Variants in IL1RAPL1 observed in about 807,000 individuals in gnomAD.
IL1RAPL1 encodes interleukin 1 receptor accessory protein like 1.
IL1RAPL1 carries 3 observed loss-of-function variants against 48.4 expected under a neutral mutation model. The observed-to-expected ratio is 0.06, with a 90% CI of 0.03 to 0.16. IL1RAPL1 has a LOEUF of 0.16. Among genes scored for constraint, IL1RAPL1 ranks in the 10% least tolerant of loss-of-function variants. The pLI, the probability that IL1RAPL1 is intolerant of heterozygous loss-of-function variation, is 1.00. For missense variants in IL1RAPL1, 349 were observed against 530.6 expected (o/e 0.66, Z 3.36); for synonymous variants, 185 against 187.7 (o/e 0.99, Z 0.12).
At chrX:29,877,177 G>A (rs1931923649) in intron 6 of IL1RAPL1, among the ~76,000 whole-genome samples, 1 of 112,035 alleles carries the variant, frequency 8.9e-6, no homozygotes, top group Non-Finnish European at 1.9e-5. Context: ...ATTCTCCCCT[G>A]TAAATCTCCA....
At chrX:29,402,125 A>G (rs972230709) in intron 5 of IL1RAPL1, among the ~76,000 whole-genome samples, 1 of 111,131 alleles carries the variant, frequency 9.0e-6, no homozygotes, top group African/African-American at 3.3e-5. Context: ...AACTCCTGAA[A>G]CATTCTCAAT....
intron 5 of IL1RAPL1, among the ~76,000 whole-genome samples, chrX:29,581,327 G>A (rs1039837872): frequency 1.1e-4 from 12 of 112,072 alleles, no homozygotes; most frequent in East Asian, 5.6e-4. Context: ...TCCCACATTC[G>A]TCACATTAGG....
At chrX:29,894,906 G>T (rs1338282217) in intron 6 of IL1RAPL1, among the ~76,000 whole-genome samples, 1 of 110,312 alleles carries the variant, frequency 9.1e-6, no homozygotes, top group Non-Finnish European at 1.9e-5. Context: ...TCAGCTCACT[G>T]CAACCTCTGC....
chrX:28,788,222 A>C (rs1010078546), intron 1 of IL1RAPL1, among the ~76,000 whole-genome samples: 21 of 111,902 alleles, frequency 1.9e-4, no homozygotes, highest in African/African-American at 6.5e-4. Context: ...ATCATTTCAC[A>C]ATATATATGC....
At chrX:29,313,686 A>C (rs1932756040) in intron 3 of IL1RAPL1, among the ~76,000 whole-genome samples, 1 of 111,947 alleles carries the variant, frequency 8.9e-6, no homozygotes, top group Non-Finnish European at 1.9e-5. Context: ...GAGGCAATGC[A>C]TAGTGCAGCC....
intron 2 of IL1RAPL1, among the ~76,000 whole-genome samples, chrX:28,897,867 A>T (rs1267226166): frequency 1.8e-5 from 2 of 111,213 alleles, no homozygotes; most frequent in Non-Finnish European, 3.8e-5. Context: ...AGGTAAAGGA[A>T]AATTACAGTC....
At chrX:29,361,728 A>G (rs759678905) in intron 3 of IL1RAPL1, among the ~76,000 whole-genome samples, 1 of 112,648 alleles carries the variant, frequency 8.9e-6, no homozygotes, top group South Asian at 3.6e-4. Context: ...TGGTCAGTAT[A>G]CAAGACAAAT....
chrX:29,268,208 T>G (rs1373412315), intron 2 of IL1RAPL1, among the ~76,000 whole-genome samples: 3 of 112,012 alleles, frequency 2.7e-5, no homozygotes, highest in Non-Finnish European at 1.9e-5. Context: ...TTGCAATAAC[T>G]GGCAGCATAT....
intron 3 of IL1RAPL1, among the ~76,000 whole-genome samples, chrX:29,326,723 G>A (rs746313648): frequency 2.7e-5 from 3 of 111,033 alleles, no homozygotes; most frequent in Admixed American, 9.6e-5. Flanking sequence ...TTTCTCATTC[G>A]CACAATGACT....
At chrX:29,617,533 G>C (rs1015604844) in intron 5 of IL1RAPL1, among the ~76,000 whole-genome samples, 4 of 111,858 alleles carry the variant, frequency 3.6e-5, no homozygotes, top group African/African-American at 9.8e-5. Flanking sequence ...GCTATTAACT[G>C]TCATGCATTA....
At chrX:29,627,128 A>G (rs1484735095) in intron 5 of IL1RAPL1, among the ~76,000 whole-genome samples, 1 of 112,109 alleles carries the variant, frequency 8.9e-6, no homozygotes, top group Non-Finnish European at 1.9e-5. Context: ...ACAAAAGTGA[A>G]TGTCTAGTTT....
chrX:29,163,835 C>T (rs1929733735), intron 2 of IL1RAPL1, among the ~76,000 whole-genome samples: 1 of 111,552 alleles, frequency 9.0e-6, no homozygotes. Context: ...CAGCTAACCA[C>T]CAGAAAATTT....
At chrX:28,846,395 G>A (rs776487256) in intron 2 of IL1RAPL1, among the ~76,000 whole-genome samples, 4 of 111,762 alleles carry the variant, frequency 3.6e-5, no homozygotes, top group African/African-American at 9.7e-5. Context: ...ATTCACGGGC[G>A]GGTTTTTATG....
chrX:28,654,203 TAA>T (rs758736967), intron 1 of IL1RAPL1, among the ~76,000 whole-genome samples: 2 of 97,427 alleles, frequency 2.1e-5, no homozygotes. Flanking sequence ...CTTCTTTGGT[TAA>T]AAAAAAAAAC....
chrX:29,697,110 T>A (rs547843258), intron 6 of IL1RAPL1, among the ~76,000 whole-genome samples: 1 of 111,548 alleles, frequency 9.0e-6, no homozygotes, highest in Admixed American at 9.6e-5. Context: ...TCCGCCTCTT[T>A]CCATTCATCA....
chrX:29,238,108 G>T (rs1385185847), intron 2 of IL1RAPL1, among the ~76,000 whole-genome samples: 1 of 111,226 alleles, frequency 9.0e-6, no homozygotes, highest in Non-Finnish European at 1.9e-5. Flanking sequence ...AGCAAGCTGT[G>T]TTTTCTCGGT....
intron 3 of IL1RAPL1, among the ~76,000 whole-genome samples, chrX:29,324,174 C>T (rs1294847059): frequency 4.5e-5 from 5 of 111,047 alleles, no homozygotes; most frequent in African/African-American, 6.6e-5. Context: ...CTGCTTTATA[C>T]GCTTGTGACT....
At chrX:28,874,818 C>G (rs1342057917) in intron 2 of IL1RAPL1, among the ~76,000 whole-genome samples, 3 of 112,091 alleles carry the variant, frequency 2.7e-5, no homozygotes, top group Non-Finnish European at 5.6e-5. Context: ...GTTACATTTG[C>G]TTTTCTGATA....
At chrX:28,736,408 C>G (rs749543181) in intron 1 of IL1RAPL1, among the ~76,000 whole-genome samples, 1 of 96,691 alleles carries the variant, frequency 1.0e-5, no homozygotes, top group African/African-American at 3.9e-5. Context: ...TATTCCAGAC[C>G]GGGCAATAGT....
Sources: allele counts gnomAD v4.1 joint callset (sites outside exome capture counted in the v4.1 genomes callset), GRCh38; gene constraint gnomAD v4.1.1; transcripts MANE v1.5; gene names NCBI Gene and HGNC (gene_info 2026-07-23, HGNC 2026-07-21).